The following INTS9 variants were observed in gnomAD, a reference collection of about 807,000 sequenced individuals.
INTS9 encodes the protein integrator complex subunit 9.
INTS9 carries 55 observed loss-of-function variants against 79.7 expected under a neutral mutation model. The ratio of observed to expected loss-of-function variants is 0.69; its 90% confidence interval spans 0.56 to 0.86. The LOEUF (loss-of-function observed/expected upper bound fraction) is 0.86. INTS9 is among the 40% of genes least tolerant of loss of function. The pLI, the probability that INTS9 is intolerant of heterozygous loss-of-function variation, is 0.00. For missense variants in INTS9, 721 were observed against 831.5 expected (o/e 0.87, Z 1.64); for synonymous variants, 319 against 325.2 (o/e 0.98, Z 0.20).
At chr8:28,858,491 C>A (rs1345877933) in intron 2 of INTS9, among the ~76,000 whole-genome samples, 3 of 152,212 alleles carry the variant, frequency 2.0e-5, no homozygotes, top group Non-Finnish European at 4.4e-5. Flanking sequence ...TGGGCAATAT[C>A]TGTGGGTGGC....
At chr8:28,782,745 G>A (rs1402755595) in intron 11 of INTS9, among the ~76,000 whole-genome samples, 1 of 152,324 alleles carries the variant, frequency 6.6e-6, no homozygotes, top group Admixed American at 6.5e-5. Context: ...GCAAGACCCT[G>A]TCTCTACAAA....
chr8:28,841,282 C>T (rs1439139765), intron 4 of INTS9, among the ~76,000 whole-genome samples: 1 of 152,176 alleles, frequency 6.6e-6, no homozygotes, highest in Non-Finnish European at 1.5e-5. Flanking sequence ...GTCCTACTCT[C>T]CACTACCTCC....
At chr8:28,864,315 A>T (rs1808619608) in intron 1 of INTS9, among the ~76,000 whole-genome samples, 1 of 152,242 alleles carries the variant, frequency 6.6e-6, no homozygotes, top group South Asian at 2.1e-4. Flanking sequence ...AGTAAAGTTA[A>T]GACATTTTCA....
rs371675579 is a variant in INTS9 at position 28,771,066 on chromosome 8, C to G, written c.1578G>C (p.Leu526=). The G allele has an allele frequency of 6.5e-5, 105 of 1,610,400 alleles. No homozygotes were observed. The South Asian group carries it at 1.1e-3, about 17-fold the overall frequency. Residue 526 remains leucine (L), a synonymous_variant, in exon 15 of 17, where the codon CTG becomes CTC. Transcript: ENST00000521022. ...TGCCAGGCTTGATCTCCATGGGCAC[C>G]AGTGAATCTGCGAGCTGAAAGCAAA... ...IEIMPELADS[L]VPMEIKPGIS...
intron 1 of INTS9, among the ~76,000 whole-genome samples, chr8:28,880,506 C>T (rs538454961): frequency 0.011 from 1,697 of 152,040 alleles, 27 homozygotes; most frequent in African/African-American, 0.037. Flanking sequence ...AGTGATCCGC[C>T]AGCCTCGGCC....
At chr8:28,838,984 G>C (rs539886642) in intron 4 of INTS9, among the ~76,000 whole-genome samples, 2 of 152,184 alleles carry the variant, frequency 1.3e-5, no homozygotes, top group African/African-American at 4.8e-5. Flanking sequence ...CATGTTCTGG[G>C]AGAAGTGAGA....
At chr8:28,820,773 G>A (rs546675593) in intron 6 of INTS9, among the ~76,000 whole-genome samples, 6 of 152,254 alleles carry the variant, frequency 3.9e-5, no homozygotes, top group South Asian at 2.1e-4. Flanking sequence ...TCAGAATGAT[G>A]ACAGAAACAT....
intron 6 of INTS9, among the ~76,000 whole-genome samples, chr8:28,820,664 A>G (rs527748773): frequency 4.4e-4 from 67 of 152,338 alleles, no homozygotes; most frequent in Non-Finnish European, 7.6e-4. Flanking sequence ...TTCAAGGCCA[A>G]AGATCACAGA....
intron 4 of INTS9, among the ~76,000 whole-genome samples, chr8:28,845,187 G>T (rs1807435242): frequency 6.6e-6 from 1 of 152,152 alleles, no homozygotes; most frequent in Non-Finnish European, 1.5e-5. Context: ...TCATTTACTG[G>T]TTGCGTACTG....
At chr8:28,851,184 A>C (rs1014692820) in intron 2 of INTS9, among the ~76,000 whole-genome samples, 11 of 150,944 alleles carry the variant, frequency 7.3e-5, no homozygotes, top group Admixed American at 3.3e-4. Flanking sequence ...TTAAGGGCAA[A>C]GTAAGGGTGC....
intron 2 of INTS9, 126 bp downstream of exon 2, chr8:28,859,310 A>C (rs1808329583): frequency 2.8e-6 from 3 of 1,060,228 alleles, no homozygotes; most frequent in Non-Finnish European, 4.1e-6. Context: ...ATTTTGATAA[A>C]GAACATTTTT....
At position 28,846,880 on chromosome 8, in the gene INTS9, C is replaced by T. The variant is rs976014884; in HGVS notation, c.199-71G>A. 1.0e-5 allele frequency: 12 copies of T among 1,190,736 alleles called. No individual in the cohort carries two copies. In the African/African-American group the frequency reaches 1.1e-4, roughly 11 times the overall value. 73.8% of individuals were successfully genotyped at this position (1,190,736 alleles called of 1,614,324 possible). A position where few individuals can be genotyped will look rare whatever the true frequency, so the allele number is the denominator to read the frequency against. On this transcript the variant is annotated intron_variant, in intron 3 of 16. Transcript: ENST00000521022. ...GATACAGGACCAAAGAAATAAACTC[C>T]CCAAACAAAACTTTTCATGAAGAAT...
chr8:28,850,004 G>T, intron 3 of INTS9: 1 of 417,834 alleles, frequency 2.4e-6, no homozygotes. Flanking sequence ...TGAGCAAAAT[G>T]GATCTGAATC....
At chr8:28,816,850 C>A (rs1454071895) in intron 6 of INTS9, among the ~76,000 whole-genome samples, 1 of 152,112 alleles carries the variant, frequency 6.6e-6, no homozygotes, top group African/African-American at 2.4e-5. Flanking sequence ...GCCATTCTAA[C>A]TGGTGTAAGG....
At chr8:28,771,155 A>G in intron 14 of INTS9, 75 bp from the exon 15 acceptor site, 1 of 1,037,018 alleles carries the variant, frequency 9.6e-7, no homozygotes, top group Non-Finnish European at 1.5e-6. Context: ...CTGTATTTAC[A>G]TCACTGCAGT....
At position 28,822,523 on chromosome 8, in the gene INTS9, A is replaced by G. The variant is rs139005925; in HGVS notation, c.489-8911T>C. ...AACAGTGGTGGGCCAGATCTGGCCC[A>G]AAAACAGTGCTGGCCTTAGTTGCCA... On this transcript the variant is annotated intron_variant, in intron 6 of 16. Transcript: ENST00000521022. Among the ~76,000 whole-genome samples the G allele has an allele frequency of 6.6e-3, 1,003 of 152,280 alleles. 9 individuals are homozygous for G. Among genetic ancestry groups the G allele is most frequent in the Non-Finnish European group, 0.011 (720 of 68,016 alleles).
chr8:28,776,619 A>G (rs1802905376), intron 13 of INTS9, among the ~76,000 whole-genome samples: 1 of 152,106 alleles, frequency 6.6e-6, no homozygotes, highest in South Asian at 2.1e-4. Context: ...TCCCTGCTGA[A>G]GACGGCTTTC....
chr8:28,882,152 T>C (rs1420645744), intron 1 of INTS9, among the ~76,000 whole-genome samples: 5 of 145,102 alleles, frequency 3.4e-5, no homozygotes, highest in Admixed American at 2.1e-4. Flanking sequence ...TCTGTGACCT[T>C]ATCCCCAACC....
chr8:28,827,253 C>T (rs888403847), intron 6 of INTS9, among the ~76,000 whole-genome samples: 1 of 152,084 alleles, frequency 6.6e-6, no homozygotes, highest in Non-Finnish European at 1.5e-5. Flanking sequence ...TTGTTCTTAC[C>T]ACACTTGAGT....
Sources: allele counts gnomAD v4.1 joint callset (sites outside exome capture counted in the v4.1 genomes callset), GRCh38; gene constraint gnomAD v4.1.1; transcripts MANE v1.5; gene names NCBI Gene and HGNC (gene_info 2026-07-23, HGNC 2026-07-21).